The following PIBF1 variants were observed in gnomAD, a reference collection of about 807,000 sequenced individuals.
PIBF1 encodes the protein progesterone-induced-blocking factor 1.
A neutral mutation model predicts 112.5 loss-of-function variants in PIBF1; 90 were observed. The ratio of observed to expected loss-of-function variants is 0.80; its 90% confidence interval spans 0.67 to 0.95. The LOEUF (loss-of-function observed/expected upper bound fraction) is 0.95. PIBF1 is among the 40% of genes least tolerant of loss of function. The pLI is 0.00. For synonymous variants in PIBF1, 301 were observed against 288.6 expected, an observed-to-expected ratio of 1.04 and a Z score of -0.44; for missense variants, 915 against 852.3, an observed-to-expected ratio of 1.07 and a Z score of -0.92.
chr13:72,860,796 T>A (rs1377785075), intron 10 of PIBF1, among the ~76,000 whole-genome samples: 1 of 152,212 alleles, frequency 6.6e-6, no homozygotes, highest in Non-Finnish European at 1.5e-5. Context: ...AAGACTTTTC[T>A]TTTCTACAAA....
At chr13:72,892,416 A>G (rs2040092730) in intron 10 of PIBF1, among the ~76,000 whole-genome samples, 1 of 152,080 alleles carries the variant, frequency 6.6e-6, no homozygotes, top group South Asian at 2.1e-4. Context: ...ATCTTCTCTG[A>G]TTATATTTTG....
intron 14 of PIBF1, among the ~76,000 whole-genome samples, chr13:72,941,626 A>G (rs9600050): frequency 1.3e-5 from 2 of 152,198 alleles, no homozygotes; most frequent in East Asian, 3.8e-4. Flanking sequence ...AGAAAGTGGG[A>G]CATGCACAGT....
chr13:72,931,080 C>G, intron 13 of PIBF1, 85 bp from the exon 14 acceptor site: 2 of 747,814 alleles, frequency 2.7e-6, no homozygotes, highest in South Asian at 3.4e-5. Context: ...GAAATGATGT[C>G]TATTTTCAAG....
chr13:72,965,007 A>G (rs1362948885), intron 14 of PIBF1, among the ~76,000 whole-genome samples: 1 of 152,234 alleles, frequency 6.6e-6, no homozygotes, highest in African/African-American at 2.4e-5. Flanking sequence ...GGTTGCAGTG[A>G]GCCGAGATCG....
intron 10 of PIBF1, among the ~76,000 whole-genome samples, chr13:72,865,357 T>G (rs981521846): frequency 6.6e-6 from 1 of 152,168 alleles, no homozygotes; most frequent in Non-Finnish European, 1.5e-5. Flanking sequence ...GTTCTGGCCG[T>G]TTGACTAAAA....
intron 4 of PIBF1, among the ~76,000 whole-genome samples, chr13:72,797,440 G>A (rs981313596): frequency 5.3e-5 from 8 of 152,160 alleles, no homozygotes; most frequent in African/African-American, 1.7e-4. Context: ...AATAGGGAGT[G>A]CTACTTAAAA....
At chr13:72,801,588 G>A (rs1593917847) in intron 5 of PIBF1, among the ~76,000 whole-genome samples, 1 of 152,096 alleles carries the variant, frequency 6.6e-6, no homozygotes, top group Admixed American at 6.6e-5. Flanking sequence ...ATTAGCTGTA[G>A]TACATACTTT....
At chr13:72,999,285 A>G (rs1036214178) in intron 17 of PIBF1, among the ~76,000 whole-genome samples, 12 of 152,140 alleles carry the variant, frequency 7.9e-5, no homozygotes, top group Non-Finnish European at 1.8e-4. Context: ...AGAAAAAGAA[A>G]TAAGAAAAAT....
chr13:72,794,906 G>C (rs1237565091), intron 3 of PIBF1, among the ~76,000 whole-genome samples: 2 of 152,176 alleles, frequency 1.3e-5, no homozygotes, highest in South Asian at 2.1e-4. Context: ...CTTTGAGAAT[G>C]ATGAGTATGT....
At chr13:72,916,958 C>G in intron 12 of PIBF1, 118 bp from the exon 13 acceptor site, 1 of 514,656 alleles carries the variant, frequency 1.9e-6, no homozygotes, top group East Asian at 3.3e-5. Context: ...TACATATTAG[C>G]CCTTTCTAAT....
chr13:72,868,776 G>C (rs1170461114), intron 10 of PIBF1, among the ~76,000 whole-genome samples: 2 of 144,512 alleles, frequency 1.4e-5, no homozygotes, highest in Non-Finnish European at 3.0e-5. Context: ...TAGAGGCTAC[G>C]AGTTTGAAAC....
intron 10 of PIBF1, among the ~76,000 whole-genome samples, chr13:72,871,335 T>C (rs1470991504): frequency 6.6e-6 from 1 of 152,150 alleles, no homozygotes; most frequent in Non-Finnish European, 1.5e-5. Context: ...AGATGGAGTC[T>C]TGCTCTGTCG....
intron 4 of PIBF1, among the ~76,000 whole-genome samples, chr13:72,795,926 T>C (rs1370465262): frequency 1.3e-5 from 2 of 152,104 alleles, no homozygotes; most frequent in Non-Finnish European, 2.9e-5. Context: ...AAGAACTTTG[T>C]GGTGAGAGAT....
Position 72,972,381 on chromosome 13 carries a change from C to T in PIBF1, c.1965-1210C>T, listed in dbSNP as rs114789772. Among the ~76,000 whole-genome samples, 972 of 152,130 alleles carry T rather than the reference C, an allele frequency of 6.4e-3. 12 individuals carry two copies. Among genetic ancestry groups the T allele is most frequent in the African/African-American group, 0.022 (901 of 41,528 alleles). On this transcript the variant is annotated intron_variant, in intron 15 of 17. Transcript: ENST00000326291. The stretch of plus-strand genomic sequence containing the variant: ...AGTAGAACTTTAAAAATGTTTTTAC[C>T]GGCCAGGTGCGGTGGCTCACGCCTA...
At chr13:72,847,467 G>A (rs1013353666) in intron 9 of PIBF1, among the ~76,000 whole-genome samples, 1 of 152,154 alleles carries the variant, frequency 6.6e-6, no homozygotes, top group Non-Finnish European at 1.5e-5. Flanking sequence ...AGAGCAAGGG[G>A]GAGCCAAACT....
At chr13:72,831,410 A>G (rs772953862) in intron 8 of PIBF1, among the ~76,000 whole-genome samples, 26 of 152,192 alleles carry the variant, frequency 1.7e-4, no homozygotes, top group Non-Finnish European at 3.4e-4. Context: ...TTAGTGCTAT[A>G]AATTTCCCTC....
intron 8 of PIBF1, among the ~76,000 whole-genome samples, chr13:72,831,705 T>C (rs2037125213): frequency 6.6e-6 from 1 of 151,680 alleles, no homozygotes. Flanking sequence ...AGTTTTAGAG[T>C]GAGTGTGATG....
chr13:72,949,296 C>CT (rs1566481258), intron 14 of PIBF1, among the ~76,000 whole-genome samples: 2 of 110,904 alleles, frequency 1.8e-5, no homozygotes, highest in African/African-American at 7.0e-5. Context: ...AGACAAATAG[C>CT]TGTCTTTTTT....
chr13:72,973,623 A>T lies in PIBF1; in HGVS notation c.1997A>T (p.Gln666Leu). The stretch of plus-strand genomic sequence containing the variant: ...AATAAAGAAAAGTCAGCTTTACTAC[A>T]GACGAAGAATCAAATGGCATTAGAT... ...NLNKEKSALL[Q>L]TKNQMALDLE... The change falls in exon 16 of 18, where the codon CAG (glutamine) becomes CTG (leucine). Residue 666 changes from glutamine (Q) to leucine (L), a missense_variant. By Grantham distance (113) the Gln-to-Leu change is moderately radical (BLOSUM62 -2). Coordinates refer to ENST00000326291, the MANE Select transcript of PIBF1 (RefSeq NM_006346.4). 1.9e-6 allele frequency: 3 copies of T among 1,577,958 alleles called. No individual in the cohort carries two copies. Among genetic ancestry groups the T allele is most frequent in the Non-Finnish European group, 2.6e-6 (3 of 1,163,856 alleles).
Sources: gnomAD v4.1 joint callset for allele counts (sites outside exome capture counted in the v4.1 genomes callset) on GRCh38, gnomAD v4.1.1 for gene constraint, MANE v1.5 for transcripts, NCBI Gene and HGNC (gene_info 2026-07-23, HGNC 2026-07-21) for gene names.